The following UBE3C variants were observed in gnomAD, a reference collection of about 807,000 sequenced individuals.
The protein encoded by UBE3C is ubiquitin protein ligase E3C, also known as ubiquitin-protein ligase E3C.
In UBE3C, 42 loss-of-function variants were observed where a neutral mutation model predicts 129.4. The ratio of observed to expected loss-of-function variants is 0.32; its 90% confidence interval spans 0.25 to 0.42. The LOEUF (loss-of-function observed/expected upper bound fraction) is 0.42, where lower values mean the gene tolerates loss of function less well. Among genes scored for constraint, UBE3C ranks in the 10% least tolerant of loss-of-function variants. The probability of loss-of-function intolerance (pLI) is 1.00; values close to 1 mark genes in which losing one functional copy is unlikely to be tolerated. For synonymous variants in UBE3C, 510 were observed against 492.4 expected (o/e 1.04, Z -0.47); for missense variants, 1,049 against 1,319.1 (o/e 0.80, Z 3.17).
intron 13 of UBE3C, among the ~76,000 whole-genome samples, chr7:157,214,547 G>A (rs1809683402): frequency 6.6e-6 from 1 of 152,170 alleles, no homozygotes; most frequent in African/African-American, 2.4e-5. Context: ...AACGGTTGGG[G>A]TGATTATGAA....
At chr7:157,139,990 G>C (rs1807392884) in intron 1 of UBE3C, 85 of 985,440 alleles carry the variant, frequency 8.6e-5, no homozygotes, top group Non-Finnish European at 1.0e-4. Flanking sequence ...ACTTACATCT[G>C]TTGTGATCGA....
chr7:157,225,388 A>G lies in UBE3C; in HGVS notation c.2101-19A>G, dbSNP rs770985491. ...GGTCTTTTGTTTCTAATAACCTTAC[A>G]GCTTTCCTTGTTTGTTAGATCTTTC... On this transcript the variant is annotated intron_variant, in intron 16 of 22. Coordinates refer to ENST00000348165, the MANE Select transcript of UBE3C (RefSeq NM_014671.3). 4 of 1,588,830 alleles carry G rather than the reference A, an allele frequency of 2.5e-6. No individual in the cohort carries two copies. The South Asian group carries it at 3.5e-5, about 14-fold the overall frequency.
At chr7:157,226,841 A>T (rs1182362) in intron 17 of UBE3C, among the ~76,000 whole-genome samples, 1 of 151,644 alleles carries the variant, frequency 6.6e-6, no homozygotes, top group Non-Finnish European at 1.5e-5. Flanking sequence ...TGGCCTCTCC[A>T]CAGGGCCAGG....
In UBE3C at chr7:157,139,089, C is replaced by G; in HGVS notation, c.-184C>G. 1 of 176,770 alleles carries G rather than the reference C, an allele frequency of 5.7e-6. No homozygotes were observed. Among genetic ancestry groups the G allele is most frequent in the Non-Finnish European group, 1.1e-5 (1 of 89,394 alleles). The allele number at this position is 176,770 out of a possible 1,614,324, so 11.0% of individuals were successfully genotyped here. On this transcript the variant is annotated 5_prime_UTR_variant, in exon 1 of 23. Coordinates refer to ENST00000348165, the MANE Select transcript of UBE3C (RefSeq NM_014671.3). ...CCGCCCCTCCAGTATTGCCGCCCCT[C>G]CCGCCCCAGGGCAGGGCTGGGAGGG...
chr7:157,150,091 A>G (rs928793544), intron 1 of UBE3C, among the ~76,000 whole-genome samples: 1 of 152,092 alleles, frequency 6.6e-6, no homozygotes, highest in Non-Finnish European at 1.5e-5. Context: ...TCAAGAGTCT[A>G]ACAAGGCCAG....
Position 157,267,803 on chromosome 7 carries a change from T to A in UBE3C, c.*48T>A. The A allele has an allele frequency of 6.7e-7, 1 of 1,503,712 alleles. No homozygotes were observed. Among genetic ancestry groups the A allele is most frequent in the South Asian group, 1.4e-5 (1 of 72,812 alleles). 93.1% of individuals were successfully genotyped at this position (1,503,712 alleles called of 1,614,324 possible). A position where few individuals can be genotyped will look rare whatever the true frequency, so the allele number is the denominator to read the frequency against. On this transcript the variant is annotated 3_prime_UTR_variant, in exon 23 of 23. Coordinates refer to ENST00000348165, the MANE Select transcript of UBE3C (RefSeq NM_014671.3). ...CTACAGAGAACCAGTGCTTCCTTCG[T>A]CAGCAGCGCCTCCCCAGACCCACGA...
At chr7:157,202,726 C>G (rs1400059244) in intron 11 of UBE3C, among the ~76,000 whole-genome samples, 1 of 152,136 alleles carries the variant, frequency 6.6e-6, no homozygotes, top group Non-Finnish European at 1.5e-5. Flanking sequence ...GTGTGTAATT[C>G]AGTTAATTGG....
At chr7:157,154,878 C>T (rs1405693363) in intron 1 of UBE3C, among the ~76,000 whole-genome samples, 4 of 152,134 alleles carry the variant, frequency 2.6e-5, no homozygotes, top group Non-Finnish European at 5.9e-5. Context: ...GAAATGTAGG[C>T]TATACTGAAA....
At chr7:157,247,168 G>A (rs2116678058) in intron 18 of UBE3C, among the ~76,000 whole-genome samples, 1 of 152,294 alleles carries the variant, frequency 6.6e-6, no homozygotes, top group Admixed American at 6.5e-5. Flanking sequence ...TTACAGGCGT[G>A]AGCCACCGCA....
chr7:157,246,328 G>A (rs993537139), intron 18 of UBE3C, among the ~76,000 whole-genome samples: 3 of 152,212 alleles, frequency 2.0e-5, no homozygotes, highest in Non-Finnish European at 4.4e-5. Context: ...GCTCACAGTT[G>A]AAACGTTTCT....
chr7:157,236,155 T>C (rs1297166930), intron 18 of UBE3C, among the ~76,000 whole-genome samples: 2 of 152,218 alleles, frequency 1.3e-5, no homozygotes, highest in African/African-American at 2.4e-5. Flanking sequence ...CTGGTGTGGG[T>C]CATGATTGCA....
chr7:157,186,264 A>C (rs1808802187), intron 9 of UBE3C, among the ~76,000 whole-genome samples: 1 of 152,056 alleles, frequency 6.6e-6, no homozygotes, highest in Non-Finnish European at 1.5e-5. Context: ...TCTCTACTAA[A>C]AATACAAAAA....
chr7:157,259,085 G>A (rs752757751), intron 22 of UBE3C, among the ~76,000 whole-genome samples: 3 of 152,128 alleles, frequency 2.0e-5, no homozygotes, highest in Non-Finnish European at 4.4e-5. Context: ...TTACCTTATC[G>A]AATCCACTGG....
intron 19 of UBE3C, among the ~76,000 whole-genome samples, chr7:157,249,309 A>G (rs1182512833): frequency 6.7e-6 from 1 of 149,064 alleles, no homozygotes; most frequent in Non-Finnish European, 1.5e-5. Flanking sequence ...GACACTTCAC[A>G]TCGATAGAGT....
intron 16 of UBE3C, among the ~76,000 whole-genome samples, chr7:157,224,453 C>G (rs954160193): frequency 1.3e-5 from 2 of 152,142 alleles, no homozygotes; most frequent in Admixed American, 6.5e-5. Context: ...CCCAGCCTCC[C>G]AAAGTGCTGA....
chr7:157,187,764 G>T, intron 10 of UBE3C, among the ~76,000 whole-genome samples: 1 of 151,958 alleles, frequency 6.6e-6, no homozygotes. Flanking sequence ...TTTTAGTAAA[G>T]ACGGGGTTTC....
At chr7:157,222,928 T>C (rs541933021) in intron 15 of UBE3C, 1 of 253,788 alleles carries the variant, frequency 3.9e-6, no homozygotes, top group South Asian at 5.1e-5. Context: ...CACCGCCCAC[T>C]GCTGGATCTG....
intron 22 of UBE3C, among the ~76,000 whole-genome samples, chr7:157,265,009 C>G (rs1273404906): frequency 1.3e-5 from 2 of 152,212 alleles, no homozygotes; most frequent in Admixed American, 6.5e-5. Context: ...AGTGTCCCAT[C>G]ATGTGATTTA....
Position 157,267,844 on chromosome 7 carries a change from A to C in UBE3C, c.*89A>C. ...AGACCCACGAGGATACTCACACTGC[A>C]CGCCTGAGGCTCTCCTAAGCTCCTT... On this transcript the variant is annotated 3_prime_UTR_variant, in exon 23 of 23. Transcript: ENST00000348165. 6 of 1,178,964 alleles carry C rather than the reference A, an allele frequency of 5.1e-6. No individual in the cohort carries two copies. In the South Asian group the frequency reaches 6.9e-5, roughly 14 times the overall value. The allele number at this position is 1,178,964 out of a possible 1,614,324, so 73.0% of individuals were successfully genotyped here.
Sources: allele counts gnomAD v4.1 joint callset (sites outside exome capture counted in the v4.1 genomes callset), GRCh38; gene constraint gnomAD v4.1.1; transcripts MANE v1.5; gene names NCBI Gene and HGNC (gene_info 2026-07-23, HGNC 2026-07-21).